The following PLCE1 variants were observed in gnomAD, a reference collection of about 807,000 sequenced individuals.
The protein encoded by PLCE1 is 1-phosphatidylinositol 4,5-bisphosphate phosphodiesterase epsilon-1.
A neutral mutation model predicts 242.8 loss-of-function variants in PLCE1; 119 were observed. The ratio of observed to expected loss-of-function variants is 0.49; its 90% CI spans 0.42 to 0.57. The LOEUF is 0.57. Among genes scored for constraint, PLCE1 ranks in the 20% least tolerant of loss-of-function variants. PLCE1 has a pLI of 0.00. For synonymous variants in PLCE1, 945 were observed against 1,017.4 expected, an observed-to-expected ratio of 0.93 and a Z score of 1.35; for missense variants, 2,441 against 2,788.8, an observed-to-expected ratio of 0.88 and a Z score of 2.81.
Position 94,179,181 on chromosome 10 carries a change from TA to T in PLCE1, c.1809+7693del, listed in dbSNP as rs894098271. On this transcript the variant is annotated intron_variant, in intron 4 of 32. Coordinates refer to ENST00000371380, the MANE Select transcript of PLCE1 (RefSeq NM_016341.4). ...TATTTTACTCCAGAAATTTCTTGAC[TA>T]AAAAAAATACAGTAGGCAAATAAAC... 5.3e-5 allele frequency among the ~76,000 whole-genome samples: 8 copies of T among 152,008 alleles called. No individual in the cohort carries two copies. In the East Asian group the frequency reaches 1.5e-3, roughly 29 times the overall value.
intron 24 of PLCE1, among the ~76,000 whole-genome samples, chr10:94,301,387 T>A (rs1714033069): frequency 6.6e-6 from 1 of 151,378 alleles, no homozygotes; most frequent in Non-Finnish European, 1.5e-5. Context: ...GATAGATAGA[T>A]CGAATAGATC....
intron 2 of PLCE1, among the ~76,000 whole-genome samples, chr10:94,038,234 A>G (rs1403016327): frequency 1.3e-5 from 2 of 152,108 alleles, no homozygotes; most frequent in Non-Finnish European, 2.9e-5. Context: ...TTCAGCATTC[A>G]AGGATTTGAA....
chr10:94,209,330 A>T (rs2049262037), intron 4 of PLCE1, among the ~76,000 whole-genome samples: 1 of 152,256 alleles, frequency 6.6e-6, no homozygotes, highest in Non-Finnish European at 1.5e-5. Flanking sequence ...TTCAGATAAT[A>T]CTTGATGAAA....
intron 4 of PLCE1, among the ~76,000 whole-genome samples, chr10:94,204,451 G>T (rs901174598): frequency 6.6e-6 from 1 of 151,828 alleles, no homozygotes; most frequent in East Asian, 1.9e-4. Flanking sequence ...GGTGAATCAC[G>T]AGGTCAGGAG....
intron 4 of PLCE1, among the ~76,000 whole-genome samples, chr10:94,181,746 T>C (rs978798143): frequency 2.0e-5 from 3 of 151,040 alleles, no homozygotes; most frequent in African/African-American, 7.4e-5. Context: ...AGCAAGATCC[T>C]GTATCTACAA....
chr10:94,274,266 T>G (rs915695492), intron 19 of PLCE1, among the ~76,000 whole-genome samples: 2 of 152,178 alleles, frequency 1.3e-5, no homozygotes, highest in Admixed American at 6.5e-5. Flanking sequence ...GAGTCCATTT[T>G]CCAGTCTGCA....
chr10:94,209,976 C>T (rs1466523011), intron 4 of PLCE1, among the ~76,000 whole-genome samples: 2 of 152,110 alleles, frequency 1.3e-5, no homozygotes, highest in Non-Finnish European at 2.9e-5. Context: ...CTCAGTATCA[C>T]ACAATTGGTG....
In PLCE1 at chr10:94,293,372, A is replaced by G. The variant is rs543898381; in HGVS notation, c.5036-136A>G. Reference sequence around the variant, plus strand: ...CTACAATGCTATTATTAACAGAACAAAAACTGCCAGTAGGGTTTCTGTACT... The same window carrying G: ...CTACAATGCTATTATTAACAGAACAGAAACTGCCAGTAGGGTTTCTGTACT... On this transcript the variant is annotated intron_variant, in intron 22 of 32. Coordinates refer to ENST00000371380, the MANE Select transcript of PLCE1 (RefSeq NM_016341.4). 1.6e-5 allele frequency: 15 copies of G among 955,124 alleles called. 1 individual carries two copies. Among genetic ancestry groups the G allele is most frequent in the South Asian group, 1.6e-4 (11 of 70,830 alleles). 59.2% of individuals were successfully genotyped at this position (955,124 alleles called of 1,614,324 possible).
intron 2 of PLCE1, among the ~76,000 whole-genome samples, chr10:94,118,008 C>T (rs1040404106): frequency 1.3e-5 from 2 of 152,114 alleles, no homozygotes; most frequent in East Asian, 3.9e-4. Flanking sequence ...CCAAGAAAAA[C>T]CTTAAGCTCA....
At chr10:94,278,040 G>A (rs2052028959) in intron 19 of PLCE1, among the ~76,000 whole-genome samples, 1 of 152,098 alleles carries the variant, frequency 6.6e-6, no homozygotes, top group Non-Finnish European at 1.5e-5. Context: ...CCTAGACCAT[G>A]TCCAGTTATC....
chr10:94,249,163 A>G (rs1301798645), intron 8 of PLCE1, among the ~76,000 whole-genome samples: 4 of 152,174 alleles, frequency 2.6e-5, no homozygotes, highest in Non-Finnish European at 4.4e-5. Context: ...CTCTCTCTAC[A>G]TGAGCCATTT....
chr10:94,122,261 G>T (rs896422436), intron 2 of PLCE1, among the ~76,000 whole-genome samples: 1 of 152,162 alleles, frequency 6.6e-6, no homozygotes, highest in African/African-American at 2.4e-5. Context: ...TTGCTCCTTA[G>T]AGCTGCAAGG....
At chr10:94,232,765 C>T (rs760265036) in intron 5 of PLCE1, among the ~76,000 whole-genome samples, 4 of 152,186 alleles carry the variant, frequency 2.6e-5, no homozygotes, top group African/African-American at 7.2e-5. Flanking sequence ...ACAGTATCCC[C>T]TCCTGACTCA....
At chr10:94,234,511 T>A (rs1223227836) in intron 6 of PLCE1, among the ~76,000 whole-genome samples, 199 bp downstream of exon 6, 1 of 152,178 alleles carries the variant, frequency 6.6e-6, no homozygotes, top group Non-Finnish European at 1.5e-5. Flanking sequence ...GACATAGTAT[T>A]GTGAAGTTAG....
In PLCE1 at chr10:94,331,875, T is replaced by TA. The variant is rs1411272605; in HGVS notation, c.*3932_*3933insA. ...CTATGATTACCAAGTTATTCTTTTT[T>TA]TTTTTTTTTTTTTTGAGGCAAAGTC... On this transcript the variant is annotated 3_prime_UTR_variant, in exon 33 of 33. Transcript: ENST00000371380. 6.7e-6 allele frequency: 1 copy of TA among 150,192 alleles called. No homozygotes were observed. The highest frequency in any genetic ancestry group is 1.5e-5 in the Non-Finnish European group (1 of 67,562). The allele number at this position is 150,192 out of a possible 1,614,324, so 9.3% of individuals were successfully genotyped here.
At chr10:94,072,432 A>G (rs915114834) in intron 2 of PLCE1, among the ~76,000 whole-genome samples, 1 of 151,946 alleles carries the variant, frequency 6.6e-6, no homozygotes, top group Non-Finnish European at 1.5e-5. Context: ...ACCCGCCACC[A>G]TGCCTGGCTA....
chr10:94,033,690 C>T, intron 2 of PLCE1, among the ~76,000 whole-genome samples: 1 of 152,056 alleles, frequency 6.6e-6, no homozygotes, highest in East Asian at 1.9e-4. Context: ...GCTCTCAGAC[C>T]TTATCTGTAC....
intron 4 of PLCE1, among the ~76,000 whole-genome samples, chr10:94,213,866 C>G (rs1401991523): frequency 6.6e-6 from 1 of 152,166 alleles, no homozygotes; most frequent in Non-Finnish European, 1.5e-5. Context: ...AGCACCGGAG[C>G]CCTTCATATT....
intron 3 of PLCE1, among the ~76,000 whole-genome samples, chr10:94,147,922 T>C (rs575961058): frequency 1.3e-5 from 2 of 152,326 alleles, no homozygotes; most frequent in East Asian, 3.9e-4. Flanking sequence ...TCTAGGAGTA[T>C]GATTTAGATT....
Sources: gnomAD v4.1 joint callset for allele counts (sites outside exome capture counted in the v4.1 genomes callset) on GRCh38, gnomAD v4.1.1 for gene constraint, MANE v1.5 for transcripts, NCBI Gene and HGNC (gene_info 2026-07-23, HGNC 2026-07-21) for gene names.